The following HOMER2 variants were observed in gnomAD, a reference collection of about 807,000 sequenced individuals.
HOMER2 encodes homer protein homolog 2.
In HOMER2, 27 loss-of-function variants were observed where a neutral mutation model predicts 47.0. The observed-to-expected ratio is 0.57, with a 90% CI of 0.42 to 0.79. The LOEUF is 0.79. HOMER2 is among the 30% of genes least tolerant of loss of function. The probability of loss-of-function intolerance (pLI) is 0.00; values close to 1 mark genes in which losing one functional copy is unlikely to be tolerated. For synonymous variants in HOMER2, 161 were observed against 163.8 expected, an observed-to-expected ratio of 0.98 and a Z score of 0.13; for missense variants, 443 against 435.0, an observed-to-expected ratio of 1.02 and a Z score of -0.16.
At chr15:82,859,433 A>C (rs2051701482) in intron 4 of HOMER2, among the ~76,000 whole-genome samples, 1 of 152,182 alleles carries the variant, frequency 6.6e-6, no homozygotes, top group South Asian at 2.1e-4. Context: ...CTGACAAGGG[A>C]ACACCTGGGC....
intron 1 of HOMER2, among the ~76,000 whole-genome samples, chr15:82,936,506 G>T (rs1288993760): frequency 6.6e-6 from 1 of 152,110 alleles, no homozygotes; most frequent in Non-Finnish European, 1.5e-5. Flanking sequence ...AATTTCACTT[G>T]TTTCTTGTCA....
chr15:82,904,307 C>T (rs973158387), intron 1 of HOMER2, among the ~76,000 whole-genome samples: 5 of 152,024 alleles, frequency 3.3e-5, no homozygotes, highest in African/African-American at 1.2e-4. Context: ...GAAATGAGTG[C>T]CAGGGCAGGA....
chr15:82,866,047 G>T (rs1374096481), intron 3 of HOMER2, among the ~76,000 whole-genome samples: 1 of 152,204 alleles, frequency 6.6e-6, no homozygotes, highest in East Asian at 1.9e-4. Context: ...CCAGACCCCA[G>T]AATAGTAGAT....
At chr15:82,971,685 ATC>A (rs1184115886) in intron 1 of HOMER2, among the ~76,000 whole-genome samples, 1 of 152,110 alleles carries the variant, frequency 6.6e-6, no homozygotes, top group Non-Finnish European at 1.5e-5. Flanking sequence ...CTTGCCATTA[ATC>A]TCTGACTGTG....
intron 2 of HOMER2, among the ~76,000 whole-genome samples, chr15:82,875,606 G>A (rs913018607): frequency 6.6e-6 from 1 of 152,100 alleles, no homozygotes; most frequent in Non-Finnish European, 1.5e-5. Context: ...CCATGAAAAG[G>A]GGCAACTTCA....
chr15:82,924,226 TC>T (rs1411753661), intron 1 of HOMER2, among the ~76,000 whole-genome samples: 1 of 152,134 alleles, frequency 6.6e-6, no homozygotes, highest in Non-Finnish European at 1.5e-5. Flanking sequence ...CGGGTTAAGA[TC>T]AATCAGATGT....
At position 82,875,369 on chromosome 15, in the gene HOMER2, G is replaced by C. The variant is rs772761240; in HGVS notation, c.198C>G (p.Thr66=). 3 of 1,613,972 alleles carry C rather than the reference G, an allele frequency of 1.9e-6. No individual in the cohort carries two copies. The Admixed American group carries it at 5.0e-5, about 27-fold the overall frequency. ...IINSTITPNM[T]FTKTSQKFGQ... is the part of the protein sequence containing the mutation. Reference sequence around the variant, plus strand: ...CAAACTTCTGTGACGTTTTGGTGAAGGTCATATTCGGTGTGATTGTGCTGT... The same window carrying C: ...CAAACTTCTGTGACGTTTTGGTGAACGTCATATTCGGTGTGATTGTGCTGT... The change falls in exon 3 of 9, where the codon ACC becomes ACG. Residue 66 remains threonine (T), a synonymous_variant. Coordinates refer to ENST00000450735, the MANE Select transcript of HOMER2 (RefSeq NM_004839.4).
downstream of HOMER2, chr15:82,845,336 C>T (rs1027202940): frequency 1.0e-4 from 14 of 138,582 alleles, no homozygotes; most frequent in African/African-American, 3.5e-4. Context: ...AGCCACCTTC[C>T]TGCCTGGGTA....
At chr15:82,880,826 T>C (rs1358162355) in intron 2 of HOMER2, among the ~76,000 whole-genome samples, 1 of 152,074 alleles carries the variant, frequency 6.6e-6, no homozygotes, top group Non-Finnish European at 1.5e-5. Flanking sequence ...GGCAGAAGGC[T>C]GACTTAAGGA....
chr15:82,894,417 A>G (rs1206884324), intron 1 of HOMER2, among the ~76,000 whole-genome samples: 1 of 152,226 alleles, frequency 6.6e-6, no homozygotes, highest in African/African-American at 2.4e-5. Context: ...AAAAAAAGCC[A>G]TCAACGTGTA....
At chr15:82,856,524 CG>C (rs1394911763) in intron 5 of HOMER2, among the ~76,000 whole-genome samples, 1 of 151,996 alleles carries the variant, frequency 6.6e-6, no homozygotes, top group South Asian at 2.1e-4. Flanking sequence ...GAGGCTGAGG[CG>C]GGGGGATCAG....
At chr15:82,896,993 G>A (rs536883269) in intron 1 of HOMER2, among the ~76,000 whole-genome samples, 2 of 151,700 alleles carry the variant, frequency 1.3e-5, no homozygotes, top group South Asian at 4.2e-4. Flanking sequence ...TGGGGAAACA[G>A]GAACTCAGAG....
intron 1 of HOMER2, among the ~76,000 whole-genome samples, chr15:82,968,945 G>A (rs146926950): frequency 2.0e-5 from 3 of 152,326 alleles, no homozygotes; most frequent in East Asian, 3.9e-4. Flanking sequence ...GCTAGCAGAT[G>A]TTGGCAAAGG....
At chr15:82,850,266 A>G (rs1369681526) in intron 8 of HOMER2, among the ~76,000 whole-genome samples, 1 of 152,238 alleles carries the variant, frequency 6.6e-6, no homozygotes, top group Non-Finnish European at 1.5e-5. Context: ...CAGAGACCAC[A>G]TTTCAGTTCC....
At chr15:82,915,122 T>G (rs776778992) in intron 1 of HOMER2, among the ~76,000 whole-genome samples, 43 of 149,744 alleles carry the variant, frequency 2.9e-4, no homozygotes, top group Non-Finnish European at 7.4e-5. Context: ...CAACTGAAAA[T>G]TTTTTCAATT....
chr15:82,850,975 G>C (rs181360771), intron 8 of HOMER2, among the ~76,000 whole-genome samples, 176 bp downstream of exon 8: 1 of 152,236 alleles, frequency 6.6e-6, no homozygotes, highest in African/African-American at 2.4e-5. Flanking sequence ...AGTCTGCCCC[G>C]GGGGCAGGGG....
chr15:82,905,803 C>T (rs989522559), intron 1 of HOMER2, among the ~76,000 whole-genome samples: 8 of 151,958 alleles, frequency 5.3e-5, no homozygotes, highest in Admixed American at 2.0e-4. Context: ...ACCTGCCTTA[C>T]AAGAAATGTT....
At chr15:82,878,745 A>G (rs1328452580) in intron 2 of HOMER2, among the ~76,000 whole-genome samples, 5 of 152,184 alleles carry the variant, frequency 3.3e-5, no homozygotes, top group African/African-American at 1.2e-4. Context: ...CTCCCGTCTC[A>G]GCCTCCCAAG....
At chr15:82,919,992 T>C (rs1596354930) in intron 1 of HOMER2, among the ~76,000 whole-genome samples, 1 of 152,354 alleles carries the variant, frequency 6.6e-6, no homozygotes, top group African/African-American at 2.4e-5. Context: ...CCCTAGTATA[T>C]TCCAGCTTGT....
Sources: gnomAD v4.1 joint callset for allele counts (sites outside exome capture counted in the v4.1 genomes callset) on GRCh38, gnomAD v4.1.1 for gene constraint, MANE v1.5 for transcripts, NCBI Gene and HGNC (gene_info 2026-07-23, HGNC 2026-07-21) for gene names.